Variants in EME2 observed in about 807,000 individuals in gnomAD.
EME2 encodes structure-specific endonuclease subunit EME2.
EME2 carries 58 observed loss-of-function variants against 41.9 expected under a neutral mutation model. That is an observed-to-expected ratio of 1.38 (90% confidence interval 1.12 to 1.72). The LOEUF (loss-of-function observed/expected upper bound fraction) is 1.72, where lower values mean the gene tolerates loss of function less well. Ranked by LOEUF, EME2 falls within the 40% of genes most tolerant of loss-of-function variation. EME2 has a pLI of 0.00. For missense variants in EME2, 695 were observed against 541.9 expected (o/e 1.28, Z -2.81); for synonymous variants, 334 against 239.3 (o/e 1.40, Z -3.65).
rs762770719 is a variant in EME2, at chr16:1,775,025, A to C, written c.478-16A>C. On this transcript the variant is annotated splice_polypyrimidine_tract_variant and intron_variant, in intron 3 of 7. Transcript: ENST00000568449. ...AGCCTCCTGTGAACAACTGTGCCAC[A>C]CGTTCTCATCTTCAGATCTCTGGCC... 6.2e-7 allele frequency: 1 copy of C among 1,601,322 alleles called. No individual in the cohort carries two copies. Among genetic ancestry groups the C allele is most frequent in the Admixed American group, 1.7e-5 (1 of 59,822 alleles).
chr16:1,776,369 T>C lies in EME2; in HGVS notation c.*131T>C. The C allele has an allele frequency of 1.2e-6, 1 of 800,332 alleles. No homozygotes were observed. The highest frequency in any genetic ancestry group is 2.0e-6 in the Non-Finnish European group (1 of 498,190). The allele number at this position is 800,332 out of a possible 1,614,324, so 49.6% of individuals were successfully genotyped here. ...GTTCTCTGGCTGAGCAGGTCTGACC[T>C]CAGGGGAAGGGTGGGTGGTTGCAGG... On this transcript the variant is annotated 3_prime_UTR_variant, in exon 8 of 8. Transcript: ENST00000568449.
rs1267315833 is a variant in EME2, at chr16:1,773,244, C to T, written c.17C>T (p.Pro6Leu). Residue 6 changes from proline (P) to leucine (L), a missense_variant, in exon 1 of 8, where the codon CCC becomes CTC. Physicochemically the swap from Pro to Leu is moderately conservative, Grantham distance 98. Transcript: ENST00000568449. ...GGTCCGGCCATGGCGCGGGTTGGAC[C>T]CGGGAGGGCGGGGGTCTCTTGCCAG... is the stretch of plus-strand genomic sequence containing the variant. MARVG[P>L]GRAGVSCQGR... 4 of 1,448,942 alleles carry T rather than the reference C, an allele frequency of 2.8e-6. No homozygotes were observed. Among genetic ancestry groups the T allele is most frequent in the East Asian group, 2.6e-5 (1 of 37,854 alleles). The allele number at this position is 1,448,942 out of a possible 1,614,324, so 89.8% of individuals were successfully genotyped here.
At position 1,773,353 on chromosome 16, in the gene EME2, C is replaced by A; in HGVS notation, c.126C>A (p.Ala42=). 1 of 1,520,096 alleles carries A rather than the reference C, an allele frequency of 6.6e-7. No homozygotes were observed. Among genetic ancestry groups the A allele is most frequent in the Non-Finnish European group, 8.7e-7 (1 of 1,144,892 alleles). 94.2% of individuals were successfully genotyped at this position (1,520,096 alleles called of 1,614,324 possible). Residue 42 remains alanine (A), a synonymous_variant, in exon 1 of 8, where the codon GCC becomes GCA. Coordinates refer to ENST00000568449, the MANE Select transcript of EME2 (RefSeq NM_001257370.2). ...CAGACTCCGACGCTGAGGACTCCGCCGGCTCGGAGGCCGCCGCGAGAGCCC... is the reference window on the plus strand; with the variant it reads ...CAGACTCCGACGCTGAGGACTCCGCAGGCTCGGAGGCCGCCGCGAGAGCCC... The part of the protein sequence containing the change: ...EISDSDAEDS[A]GSEAAARARD...
In EME2 at chr16:1,772,952, G is replaced by T. The variant is rs2042645775; in HGVS notation, c.-276G>T. 5 of 1,445,146 alleles carry T rather than the reference G, an allele frequency of 3.5e-6. No individual in the cohort carries two copies. The highest frequency in any genetic ancestry group is 4.5e-6 in the Non-Finnish European group (5 of 1,104,448). The allele number at this position is 1,445,146 out of a possible 1,614,324, so 89.5% of individuals were successfully genotyped here. On this transcript the variant is annotated 5_prime_UTR_variant, in exon 1 of 8. Transcript: ENST00000568449. ...AGAGGCGGCTCTCGCGGCGCACGTC[G>T]GCCCAGGCCCGGACCGGCAGCCGGC...
Position 1,776,111 on chromosome 16 carries a change from T to C in EME2, c.1013T>C (p.Leu338Pro), listed in dbSNP as rs146182784. 44 of 1,611,542 alleles carry C rather than the reference T, an allele frequency of 2.7e-5. No homozygotes were observed. The highest frequency in any genetic ancestry group is 3.3e-5 in the Non-Finnish European group (39 of 1,179,734). The change falls in exon 8 of 8, where the codon CTG becomes CCG. Residue 338 changes from leucine to proline, a missense_variant. Coordinates refer to ENST00000568449, the MANE Select transcript of EME2 (RefSeq NM_001257370.2). Reference sequence around the variant, plus strand: ...ACGGAGCGGGAGCGCATGGGCCTCCTGGCCGACCTTCCTGTGCCGCCCAGT... The same window carrying C: ...ACGGAGCGGGAGCGCATGGGCCTCCCGGCCGACCTTCCTGTGCCGCCCAGT... ...CSTERERMGL[L>P]ADLPVPPSEG...
At position 1,777,265 on chromosome 16, in the gene EME2, C is replaced by G. The variant is rs558488725; in HGVS notation, c.*1027C>G. The G allele has an allele frequency of 6.2e-7, 1 of 1,610,472 alleles. No homozygotes were observed. Among genetic ancestry groups the G allele is most frequent in the African/African-American group, 1.3e-5 (1 of 75,064 alleles). On this transcript the variant is annotated 3_prime_UTR_variant, in exon 8 of 8. Transcript: ENST00000568449. ...GCACCTGCTTGAGGCCCGGCGGCAGCGGCAGACCCTCCAGCGTGTCTCCCG... is the reference window on the plus strand; with the variant it reads ...GCACCTGCTTGAGGCCCGGCGGCAGGGGCAGACCCTCCAGCGTGTCTCCCG...
At chr16:1,774,217 C>T (rs766274451) in intron 2 of EME2, 43 bp from the exon 3 acceptor site, 1 of 1,580,706 alleles carries the variant, frequency 6.3e-7, no homozygotes, top group East Asian at 2.2e-5. Flanking sequence ...CCTGGGGCAC[C>T]CGGGGTTGAG....
chr16:1,781,307 G>T lies in EME2; in HGVS notation c.*5069G>T. ...GGTAATGTCTGCCTGCCTGCCTAGG[G>T]CATCTCCACACCTTAGGCCAGCCAC... On this transcript the variant is annotated 3_prime_UTR_variant, in exon 8 of 8. Transcript: ENST00000568449. 6.2e-7 allele frequency: 1 copy of T among 1,612,630 alleles called. No individual in the cohort carries two copies. The highest frequency in any genetic ancestry group is 1.1e-5 in the South Asian group (1 of 91,084).
At position 1,773,585 on chromosome 16, in the gene EME2, C is replaced by T. The variant is rs940022379; in HGVS notation, c.247+111C>T. ...GCGTGCCGAGGGGCCTGGGGCCGGG[C>T]CCGCCTCCCAGTCGGGGGTTTGTGC... On this transcript the variant is annotated intron_variant, in intron 1 of 7. Transcript: ENST00000568449. 6.9e-5 allele frequency: 105 copies of T among 1,518,980 alleles called. 1 individual carries two copies. In the South Asian group the frequency reaches 1.2e-3, roughly 18 times the overall value. The allele number at this position is 1,518,980 out of a possible 1,614,324, so 94.1% of individuals were successfully genotyped here. A position where few individuals can be genotyped will look rare whatever the true frequency, so the allele number is the denominator to read the frequency against.
At position 1,777,016 on chromosome 16, in the gene EME2, C is replaced by G. The variant is rs1435576711; in HGVS notation, c.*778C>G. ...CATCCAACTCCGCCCTGGAGTGTGG[C>G]TGGAAGGAAGGGACAGAGAAAGAAG... On this transcript the variant is annotated 3_prime_UTR_variant, in exon 8 of 8. Transcript: ENST00000568449. The G allele has an allele frequency of 6.7e-7, 1 of 1,495,540 alleles. No individual in the cohort carries two copies. Among genetic ancestry groups the G allele is most frequent in the Non-Finnish European group, 9.1e-7 (1 of 1,104,468 alleles). 92.6% of individuals were successfully genotyped at this position (1,495,540 alleles called of 1,614,324 possible). A position where few individuals can be genotyped will look rare whatever the true frequency, so the allele number is the denominator to read the frequency against.
intron 1 of EME2, 31 bp downstream of exon 1, chr16:1,773,505 G>A (rs776927411): frequency 1.2e-5 from 19 of 1,572,928 alleles, no homozygotes; most frequent in South Asian, 5.7e-5. Context: ...GATACTCGGG[G>A]TAGGAAAGGC....
Position 1,772,866 on chromosome 16 carries a change from C to A in EME2, c.-362C>A. ...GCACGGCTCGTCGTGCTGCCACAGC[C>A]AGGACTTGCGCGTGACCAGGCGGCC... On this transcript the variant is annotated 5_prime_UTR_variant, in exon 1 of 8. Transcript: ENST00000568449. 1 of 1,453,366 alleles carries A rather than the reference C, an allele frequency of 6.9e-7. No individual in the cohort carries two copies. Among genetic ancestry groups the A allele is most frequent in the Admixed American group, 2.7e-5 (1 of 37,228 alleles). 90.0% of individuals were successfully genotyped at this position (1,453,366 alleles called of 1,614,324 possible).
Position 1,775,052 on chromosome 16 carries a change from A to G in EME2, c.489A>G (p.Pro163=). Residue 163 remains proline, a synonymous_variant, in exon 4 of 8, where the codon CCA becomes CCG. Coordinates refer to ENST00000568449, the MANE Select transcript of EME2 (RefSeq NM_001257370.2). ...GVATLTQISG[P]THWVPWISPE... ...GTTCTCATCTTCAGATCTCTGGCCC[A>G]ACCCACTGGGTGCCCTGGATCTCCC... is the stretch of plus-strand genomic sequence containing the variant. 6.2e-7 allele frequency: 1 copy of G among 1,609,600 alleles called. No individual in the cohort carries two copies. Among genetic ancestry groups the G allele is most frequent in the East Asian group, 2.2e-5 (1 of 44,872 alleles).
Position 1,773,233 on chromosome 16 carries a change from G to C in EME2, c.6G>C (p.Ala2=). 1 of 1,445,560 alleles carries C rather than the reference G, an allele frequency of 6.9e-7. No individual in the cohort carries two copies. Among genetic ancestry groups the C allele is most frequent in the Non-Finnish European group, 9.0e-7 (1 of 1,108,838 alleles). 89.5% of individuals were successfully genotyped at this position (1,445,560 alleles called of 1,614,324 possible). The change falls in exon 1 of 8, where the codon GCG becomes GCC. Residue 2 remains alanine (A), a synonymous_variant. Transcript: ENST00000568449. ...AGGAAGAGGTCGGTCCGGCCATGGC[G>C]CGGGTTGGACCCGGGAGGGCGGGGG... M[A]RVGPGRAGVS... is the part of the protein sequence containing the mutation.
chr16:1,773,998 G>A (rs1381213430), intron 2 of EME2, among the ~76,000 whole-genome samples, 157 bp downstream of exon 2: 2 of 152,270 alleles, frequency 1.3e-5, no homozygotes, highest in African/African-American at 2.4e-5. Context: ...AGGTGCCCAA[G>A]CCGTTCTGCT....
intron 3 of EME2, 90 bp from the exon 4 acceptor site, chr16:1,774,951 G>C (rs185286290): frequency 7.0e-6 from 7 of 1,004,726 alleles, no homozygotes; most frequent in African/African-American, 4.8e-5. Flanking sequence ...TTTCAGGCTT[G>C]CTGTTCTGCA....
intron 4 of EME2, 24 bp from the exon 5 acceptor site, chr16:1,775,291 G>A (rs771091341): frequency 2.5e-6 from 4 of 1,608,350 alleles, no homozygotes; most frequent in South Asian, 1.1e-5. Context: ...TGGGGAGCGG[G>A]GAGGAATGGT....
rs536556464 is a variant in EME2, at chr16:1,777,623, C to T, written c.*1385C>T. 6.2e-4 allele frequency: 925 copies of T among 1,497,390 alleles called. 3 individuals are homozygous for T. Among genetic ancestry groups the T allele is most frequent in the Non-Finnish European group, 4.5e-4 (501 of 1,113,940 alleles). The allele number at this position is 1,497,390 out of a possible 1,614,324, so 92.8% of individuals were successfully genotyped here. A position where few individuals can be genotyped will look rare whatever the true frequency, so the allele number is the denominator to read the frequency against. On this transcript the variant is annotated 3_prime_UTR_variant, in exon 8 of 8. Coordinates refer to ENST00000568449, the MANE Select transcript of EME2 (RefSeq NM_001257370.2). Reference sequence around the variant, plus strand: ...CCTCACTGTCCCACCCCCTGGGACCCTGGGGCCTCAGGCTTCTGGGAGGAA... The same window carrying T: ...CCTCACTGTCCCACCCCCTGGGACCTTGGGGCCTCAGGCTTCTGGGAGGAA...
At position 1,781,288 on chromosome 16, in the gene EME2, G is replaced by C; in HGVS notation, c.*5050G>C. 1.2e-6 allele frequency: 2 copies of C among 1,612,136 alleles called. No homozygotes were observed. The highest frequency in any genetic ancestry group is 1.7e-6 in the Non-Finnish European group (2 of 1,179,942). ...CCGACTGATTCCGTGTTCAGGTAAT[G>C]TCTGCCTGCCTGCCTAGGGCATCTC... On this transcript the variant is annotated 3_prime_UTR_variant, in exon 8 of 8. Coordinates refer to ENST00000568449, the MANE Select transcript of EME2 (RefSeq NM_001257370.2).
Sources: allele counts gnomAD v4.1 joint callset (sites outside exome capture counted in the v4.1 genomes callset), GRCh38; gene constraint gnomAD v4.1.1; transcripts MANE v1.5; gene names NCBI Gene and HGNC (gene_info 2026-07-23, HGNC 2026-07-21).